MGAT4C: variants seen among roughly 807,000 people sequenced by gnomAD.
MGAT4C encodes MGAT4 family member C, also known as alpha-1,3-mannosyl-glycoprotein 4-beta-N-acetylglucosaminyltransferase C.
Under a neutral mutation model 40.1 loss-of-function variants are expected in MGAT4C, and 19 were observed. The observed-to-expected ratio is 0.47, with a 90% CI of 0.33 to 0.70. The LOEUF is 0.70. MGAT4C is among the 30% of genes least tolerant of loss of function. The pLI is 0.02. For synonymous variants in MGAT4C, 181 were observed against 187.1 expected (o/e 0.97, Z 0.27); for missense variants, 491 against 563.2 (o/e 0.87, Z 1.30).
rs923975970 is a variant in MGAT4C at position 86,111,152 on chromosome 12, T to G, written c.-56-61429A>C. Among the ~76,000 whole-genome samples the G allele has an allele frequency of 4.0e-5, 6 of 151,754 alleles. 1 individual carries two copies. Among genetic ancestry groups the G allele is most frequent in the African/African-American group, 1.4e-4 (6 of 41,404 alleles). ...AGGGAGACTAATTTTCTCTATATAT[T>G]TAAAGCAATGGTGTTGTCACATCGC... is the stretch of plus-strand genomic sequence containing the variant. On this transcript the variant is annotated intron_variant, in intron 1 of 4. Transcript: ENST00000611864.
chr12:86,638,398 A>G (rs1266757866), intron 2 of MGAT4C, among the ~76,000 whole-genome samples: 1 of 151,838 alleles, frequency 6.6e-6, no homozygotes, highest in Non-Finnish European at 1.5e-5. Flanking sequence ...GCTCTATTCA[A>G]ATTCACATTT....
rs1353926223 is a variant in MGAT4C, at chr12:85,956,660, T to G, written c.*22629A>C. 1 of 152,188 alleles carries G rather than the reference T, an allele frequency of 6.6e-6. No individual in the cohort carries two copies. The highest frequency in any genetic ancestry group is 1.5e-5 in the Non-Finnish European group (1 of 68,028). 9.4% of individuals were successfully genotyped at this position (152,188 alleles called of 1,614,324 possible). A position where few individuals can be genotyped will look rare whatever the true frequency, so the allele number is the denominator to read the frequency against. ...CAATTTCAGTTTTCAGCCTGTCTTG[T>G]AAGATTTAACCCAAGCTACAGTGGG... On this transcript the variant is annotated 3_prime_UTR_variant, in exon 5 of 5. Transcript: ENST00000611864.
At chr12:86,508,410 A>G (rs1452157180) in intron 2 of MGAT4C, among the ~76,000 whole-genome samples, 1 of 152,194 alleles carries the variant, frequency 6.6e-6, no homozygotes, top group Non-Finnish European at 1.5e-5. Flanking sequence ...ATGGTTGCAT[A>G]GTATTCCACG....
At chr12:86,815,955 C>T (rs1300287056) in intron 1 of MGAT4C, among the ~76,000 whole-genome samples, 3 of 151,836 alleles carry the variant, frequency 2.0e-5, no homozygotes, top group Non-Finnish European at 4.4e-5. Flanking sequence ...AAAGAACTTA[C>T]TCTTGTAACC....
intron 4 of MGAT4C, among the ~76,000 whole-genome samples, chr12:86,304,153 A>G (rs905061529): frequency 4.0e-5 from 6 of 150,720 alleles, no homozygotes. Flanking sequence ...ATAATTAATA[A>G]TCAAAATATT....
At chr12:86,655,941 G>T (rs981972032) in intron 2 of MGAT4C, among the ~76,000 whole-genome samples, 1 of 152,064 alleles carries the variant, frequency 6.6e-6, no homozygotes, top group Non-Finnish European at 1.5e-5. Context: ...GTGTGAGTTG[G>T]TTGAGTTTGC....
intron 1 of MGAT4C, among the ~76,000 whole-genome samples, chr12:86,793,950 T>A (rs1037887888): frequency 6.6e-6 from 1 of 151,866 alleles, no homozygotes; most frequent in Non-Finnish European, 1.5e-5. Context: ...AATAAATAAA[T>A]AGGCCAAGAA....
At chr12:86,177,008 C>G (rs1402227046) in intron 1 of MGAT4C, among the ~76,000 whole-genome samples, 1 of 151,704 alleles carries the variant, frequency 6.6e-6, no homozygotes, top group African/African-American at 2.4e-5. Context: ...AGAAGCAGGT[C>G]AGTATATCTG....
intron 3 of MGAT4C, 22 bp from the exon 4 acceptor site, chr12:85,983,692 A>T (rs757848806): frequency 4.0e-6 from 6 of 1,518,066 alleles, no homozygotes; most frequent in Non-Finnish European, 5.3e-6. Flanking sequence ...GAAAGAAGCA[A>T]GGAAAATATA....
chr12:86,252,049 TA>T (rs1952308950), intron 1 of MGAT4C, among the ~76,000 whole-genome samples: 1 of 152,060 alleles, frequency 6.6e-6, no homozygotes, highest in East Asian at 1.9e-4. Context: ...AGCTCTAGAT[TA>T]TTTTTTCATT....
intron 1 of MGAT4C, among the ~76,000 whole-genome samples, chr12:86,744,724 T>C (rs970462795): frequency 3.3e-5 from 5 of 151,514 alleles, no homozygotes; most frequent in African/African-American, 9.7e-5. Flanking sequence ...TAGGAGTCTA[T>C]GAGTATGGAT....
intron 1 of MGAT4C, among the ~76,000 whole-genome samples, chr12:86,782,251 G>A (rs533134916): frequency 6.6e-4 from 86 of 130,104 alleles, no homozygotes; most frequent in Non-Finnish European, 1.0e-3. Flanking sequence ...GCGGGATCTC[G>A]GCTCACTGCA....
chr12:86,453,751 T>C (rs1423676626), intron 2 of MGAT4C, among the ~76,000 whole-genome samples: 1 of 152,116 alleles, frequency 6.6e-6, no homozygotes. Context: ...AAGATAATTA[T>C]TCTTATGTCG....
intron 3 of MGAT4C, among the ~76,000 whole-genome samples, chr12:86,365,315 C>T (rs939047270): frequency 6.6e-6 from 1 of 152,080 alleles, no homozygotes; most frequent in Non-Finnish European, 1.5e-5. Context: ...GTTCTTTTTT[C>T]AAGGTGCCCA....
chr12:86,392,604 G>A (rs533816746), intron 3 of MGAT4C, among the ~76,000 whole-genome samples: 1 of 152,286 alleles, frequency 6.6e-6, no homozygotes, highest in African/African-American at 2.4e-5. Flanking sequence ...AAGACAAAGT[G>A]GTGAGGGATG....
chr12:86,447,599 A>G (rs1315107845), intron 2 of MGAT4C, among the ~76,000 whole-genome samples: 1 of 152,146 alleles, frequency 6.6e-6, no homozygotes, highest in Non-Finnish European at 1.5e-5. Flanking sequence ...TAAGTTAGAG[A>G]GTAAAATAAA....
chr12:86,049,831 G>C (rs1038263007), intron 1 of MGAT4C, 108 bp from the exon 2 acceptor site: 3 of 206,378 alleles, frequency 1.5e-5, no homozygotes, highest in African/African-American at 7.1e-5. Flanking sequence ...CCATCTAACT[G>C]CATTAGGATC....
intron 4 of MGAT4C, among the ~76,000 whole-genome samples, chr12:86,324,881 T>C (rs1954489495): frequency 6.6e-6 from 1 of 152,146 alleles, no homozygotes; most frequent in Admixed American, 6.5e-5. Context: ...CAATTGTTTG[T>C]TTTTCCCAAA....
In MGAT4C at chr12:86,001,464, A is replaced by G. The variant is rs150175957; in HGVS notation, c.-6-11912T>C. On this transcript the variant is annotated intron_variant, in intron 2 of 4. Coordinates refer to ENST00000611864, the MANE Select transcript of MGAT4C (RefSeq NM_001351288.2). ...GATCAAATTCATTATTGGATTCCCA[A>G]TCTTCTGACCCAGAATCCCAAGCAC... 392 of 202,712 alleles carry G rather than the reference A, an allele frequency of 1.9e-3. 2 individuals carry two copies. Among genetic ancestry groups the G allele is most frequent in the African/African-American group, 8.7e-3 (368 of 42,342 alleles). The allele number at this position is 202,712 out of a possible 1,614,324, so 12.6% of individuals were successfully genotyped here. A position where few individuals can be genotyped will look rare whatever the true frequency, so the allele number is the denominator to read the frequency against.
Sources: allele counts gnomAD v4.1 joint callset (sites outside exome capture counted in the v4.1 genomes callset), GRCh38; gene constraint gnomAD v4.1.1; transcripts MANE v1.5; gene names NCBI Gene and HGNC (gene_info 2026-07-23, HGNC 2026-07-21).